The following KLF8 variants were observed in gnomAD, a reference collection of about 807,000 sequenced individuals.
KLF8 encodes KLF transcription factor 8, also known as Krueppel-like factor 8.
Under a neutral mutation model 18.2 loss-of-function variants are expected in KLF8, and 10 were observed. The ratio of observed to expected loss-of-function variants is 0.55; its 90% CI spans 0.34 to 0.93. The LOEUF (loss-of-function observed/expected upper bound fraction) is 0.93, where lower values mean the gene tolerates loss of function less well. Ranked by LOEUF, KLF8 falls within the 40% of genes least tolerant of loss-of-function variation. The pLI is 0.02. For missense variants in KLF8, 264 were observed against 277.9 expected (o/e 0.95, Z 0.36); for synonymous variants, 109 against 97.3 (o/e 1.12, Z -0.71).
chrX:56,001,172 G>A, the KLF8 span, among the ~76,000 whole-genome samples: 5 of 112,079 alleles, frequency 4.5e-5, no homozygotes, highest in African/African-American at 1.6e-4. Context: ...TAGAAATCAG[G>A]TGTTGTTGAT....
At chrX:56,197,609 C>A in the KLF8 span, among the ~76,000 whole-genome samples, 2 of 111,556 alleles carry the variant, frequency 1.8e-5, no homozygotes, top group South Asian at 3.8e-4. Context: ...GCCTACCAAC[C>A]AAAAAGAGTC....
At chrX:56,128,192 G>A in the KLF8 span, among the ~76,000 whole-genome samples, 1 of 112,178 alleles carries the variant, frequency 8.9e-6, no homozygotes, top group African/African-American at 3.2e-5. Flanking sequence ...GAGAAACTTA[G>A]GATAGAGTGA....
At chrX:56,148,136 C>A in the KLF8 span, among the ~76,000 whole-genome samples, 4 of 112,298 alleles carry the variant, frequency 3.6e-5, no homozygotes, top group Admixed American at 9.5e-5. Context: ...GCACACCTCA[C>A]AGATATGCAT....
At chrX:55,957,496 A>C in the KLF8 span, among the ~76,000 whole-genome samples, 1 of 112,115 alleles carries the variant, frequency 8.9e-6, no homozygotes, top group South Asian at 3.6e-4. Flanking sequence ...TGGCTTCTTA[A>C]CAATATTAAG....
the KLF8 span, among the ~76,000 whole-genome samples, chrX:55,928,197 A>G: frequency 7.2e-5 from 8 of 111,646 alleles, no homozygotes; most frequent in Admixed American, 2.9e-4. Context: ...TTAGACTGAC[A>G]TTATGGATTT....
At chrX:55,951,071 T>A in the KLF8 span, among the ~76,000 whole-genome samples, 2 of 111,551 alleles carry the variant, frequency 1.8e-5, no homozygotes. Context: ...GTTCATAGAG[T>A]TTCCAGAAAG....
At chrX:55,992,708 T>A in the KLF8 span, among the ~76,000 whole-genome samples, 1 of 112,455 alleles carries the variant, frequency 8.9e-6, no homozygotes, top group Non-Finnish European at 1.9e-5. Context: ...ATTTTAATAA[T>A]ACTGATTCTT....
At chrX:56,269,301 A>G (rs2067015821) in intron 3 of KLF8, 77 bp from the exon 4 acceptor site, 4 of 1,070,217 alleles carry the variant, frequency 3.7e-6, no homozygotes, top group Non-Finnish European at 4.9e-6. Context: ...TTAAGGTGGG[A>G]CAAACTGGGA....
the KLF8 span, among the ~76,000 whole-genome samples, chrX:55,945,670 A>G: frequency 9.0e-6 from 1 of 111,403 alleles, no homozygotes; most frequent in South Asian, 3.8e-4. Flanking sequence ...AATAAAAGGT[A>G]TTCAATTAGG....
At chrX:56,050,829 C>G in the KLF8 span, among the ~76,000 whole-genome samples, 2 of 109,944 alleles carry the variant, frequency 1.8e-5, no homozygotes, top group Non-Finnish European at 3.8e-5. Context: ...TCCTTGTTGA[C>G]TTTCTGTCTC....
the KLF8 span, among the ~76,000 whole-genome samples, chrX:56,123,401 CT>C: frequency 1.8e-5 from 2 of 111,010 alleles, no homozygotes; most frequent in Non-Finnish European, 3.8e-5. Flanking sequence ...CTGAGATAAC[CT>C]CTAAACTCTT....
chrX:56,164,729 C>CTTTTTTTTTTTTTTTTTTTATTTTT, the KLF8 span, among the ~76,000 whole-genome samples: 1 of 51,920 alleles, frequency 1.9e-5, no homozygotes. Context: ...CTTGTTATCT[C>CTTTTTTTTTTTTTTTTTTTATTTTT]TTTTTTTTTT....
the KLF8 span, among the ~76,000 whole-genome samples, chrX:55,969,153 C>T: frequency 1.8e-5 from 2 of 111,987 alleles, no homozygotes; most frequent in South Asian, 3.7e-4. Flanking sequence ...GCAGGATATA[C>T]ATTCTTCTCC....
the KLF8 span, among the ~76,000 whole-genome samples, chrX:56,162,423 C>A: frequency 8.9e-6 from 1 of 111,950 alleles, no homozygotes; most frequent in Non-Finnish European, 1.9e-5. Flanking sequence ...CCACCCAGTT[C>A]GAGTTTCCCA....
chrX:56,104,525 GA>G, the KLF8 span, among the ~76,000 whole-genome samples: 1 of 111,729 alleles, frequency 9.0e-6, no homozygotes, highest in African/African-American at 3.3e-5. Flanking sequence ...AGTATTCTCT[GA>G]TGGTACTTTG....
the KLF8 span, among the ~76,000 whole-genome samples, chrX:56,069,709 C>T: frequency 3.6e-5 from 4 of 112,039 alleles, no homozygotes; most frequent in Admixed American, 9.4e-5. Context: ...GCCAGATGTG[C>T]CACATCCCCT....
intron 1 of KLF8, among the ~76,000 whole-genome samples, chrX:56,238,017 G>T (rs1219179093): frequency 9.0e-6 from 1 of 111,440 alleles, no homozygotes; most frequent in South Asian, 3.8e-4. Flanking sequence ...TTTCCTAAAG[G>T]CCCTATCTTC....
chrX:56,022,417 C>T, the KLF8 span, among the ~76,000 whole-genome samples: 1 of 107,303 alleles, frequency 9.3e-6, no homozygotes, highest in African/African-American at 3.4e-5. Context: ...ATGGTGGTGG[C>T]GGGTGCCTGT....
chrX:55,978,015 A>G, the KLF8 span, among the ~76,000 whole-genome samples: 6 of 110,182 alleles, frequency 5.4e-5, no homozygotes, highest in Non-Finnish European at 1.1e-4. Flanking sequence ...AGTGGTTCAA[A>G]GGGGGCATTC....
Sources: gnomAD v4.1 joint callset for allele counts (sites outside exome capture counted in the v4.1 genomes callset) on GRCh38, gnomAD v4.1.1 for gene constraint, MANE v1.5 for transcripts, NCBI Gene and HGNC (gene_info 2026-07-23, HGNC 2026-07-21) for gene names.